The following ANK1 variants were observed in gnomAD, a reference collection of about 807,000 sequenced individuals.
ANK1 encodes ankyrin 1.
Under a neutral mutation model 210.4 loss-of-function variants are expected in ANK1, and 51 were observed. The observed-to-expected ratio is 0.24, with a 90% confidence interval of 0.19 to 0.31. The LOEUF is 0.31. ANK1 is among the 10% of genes least tolerant of loss of function. The probability of loss-of-function intolerance (pLI) is 1.00; values close to 1 mark genes in which losing one functional copy is unlikely to be tolerated. For missense variants in ANK1, 2,051 were observed against 2,504.4 expected, an observed-to-expected ratio of 0.82 and a Z score of 3.86; for synonymous variants, 967 against 1,025.9, an observed-to-expected ratio of 0.94 and a Z score of 1.10.
In ANK1 at chr8:41,684,524, C is replaced by G. The variant is rs1374662122; in HGVS notation, c.4537+20G>C. 1.9e-6 allele frequency: 3 copies of G among 1,612,974 alleles called. No individual in the cohort carries two copies. In the East Asian group the frequency reaches 6.7e-5, roughly 36 times the overall value. On this transcript the variant is annotated intron_variant, in intron 37 of 42. Transcript: ENST00000289734. The stretch of plus-strand genomic sequence containing the variant: ...GGCAGGGCTCCGGCTCAGTCCCCAT[C>G]TGGTCCAGGTGACACTCACCATTCA...
At chr8:41,771,963 T>G (rs2150734940) in intron 1 of ANK1, among the ~76,000 whole-genome samples, 1 of 152,202 alleles carries the variant, frequency 6.6e-6, no homozygotes. Flanking sequence ...AGTGGGATTC[T>G]CAGGCGACTC....
intron 1 of ANK1, among the ~76,000 whole-genome samples, chr8:41,807,013 T>G (rs545151737): frequency 6.6e-6 from 1 of 152,354 alleles, no homozygotes; most frequent in East Asian, 1.9e-4. Flanking sequence ...TGCTAATAAT[T>G]AACATTTATT....
chr8:41,694,379 T>G lies in ANK1; in HGVS notation c.3327+213A>C, dbSNP rs1820225383. 6.6e-6 allele frequency among the ~76,000 whole-genome samples: 1 copy of G among 152,224 alleles called. No homozygotes were observed. Among genetic ancestry groups the G allele is most frequent in the African/African-American group, 2.4e-5 (1 of 41,450 alleles). On this transcript the variant is annotated intron_variant, in intron 28 of 42. Coordinates refer to ENST00000289734, the MANE Select transcript of ANK1 (RefSeq NM_000037.4). This position sits in a 1 kb window ranked among gnomAD's most constrained non-coding sequence, Gnocchi z 5.7. ...TGCTGCACAGACTGGGCCGTGCAGC[T>G]TGATGGGTTACCAGGGGTTCTGCAA...
At chr8:41,846,431 G>A (rs1810062826) in intron 1 of ANK1, among the ~76,000 whole-genome samples, 1 of 152,244 alleles carries the variant, frequency 6.6e-6, no homozygotes, top group African/African-American at 2.4e-5. Context: ...CTCTGCCAAG[G>A]CCCGTGTGGG....
intron 38 of ANK1, 101 bp from the exon 39 acceptor site, chr8:41,668,665 G>C: frequency 7.6e-7 from 1 of 1,310,460 alleles, no homozygotes; most frequent in South Asian, 1.5e-5. Flanking sequence ...CCCACCCAGA[G>C]CTCTGGCTCA....
At chr8:41,840,844 G>A (rs887759000) in intron 1 of ANK1, among the ~76,000 whole-genome samples, 4 of 152,184 alleles carry the variant, frequency 2.6e-5, no homozygotes, top group Admixed American at 6.5e-5. Context: ...CGCTTGAAAC[G>A]TCGGTAATCC....
At chr8:41,703,420 G>GTATATATATATATATATA (rs1431513474) in intron 20 of ANK1, among the ~76,000 whole-genome samples, 2 of 51,122 alleles carry the variant, frequency 3.9e-5, no homozygotes, top group Non-Finnish European at 8.4e-5. Flanking sequence ...GTGTGTGTGT[G>GTATATATATATATATATA]TGTATATATA....
chr8:41,658,385 CCATT>C (rs1425938833), intron 42 of ANK1, among the ~76,000 whole-genome samples: 1 of 152,188 alleles, frequency 6.6e-6, no homozygotes, highest in South Asian at 2.1e-4. Flanking sequence ...CTCACAGTTA[CCATT>C]ATTATTTCTA....
chr8:41,763,815 C>T (rs1004262267), intron 1 of ANK1, among the ~76,000 whole-genome samples: 1 of 150,772 alleles, frequency 6.6e-6, no homozygotes, highest in South Asian at 2.1e-4. Flanking sequence ...CGGCTAAGGT[C>T]ACCTAGATAG....
upstream of ANK1, among the ~76,000 whole-genome samples, chr8:41,800,864 G>A (rs565637731): frequency 6.1e-4 from 92 of 151,898 alleles, no homozygotes; most frequent in African/African-American, 1.4e-3. Context: ...ACAGGCACAC[G>A]CCACCATGCC....
chr8:41,679,029 G>T (rs547260399), intron 37 of ANK1, among the ~76,000 whole-genome samples: 2 of 152,062 alleles, frequency 1.3e-5, no homozygotes, highest in African/African-American at 4.8e-5. Context: ...CAGGTGATCC[G>T]CCCACCTCGG....
chr8:41,737,532 G>A (rs1833730884), intron 2 of ANK1, among the ~76,000 whole-genome samples: 2 of 152,234 alleles, frequency 1.3e-5, no homozygotes, highest in Non-Finnish European at 2.9e-5. Context: ...TAAGACCCTC[G>A]CCATGCAAGG....
At position 41,784,027 on chromosome 8, in the gene ANK1, C is replaced by T. The variant is rs1402662265; in HGVS notation, c.27+13485G>A. On this transcript the variant is annotated intron_variant, in intron 1 of 42. Coordinates refer to ENST00000289734, the MANE Select transcript of ANK1 (RefSeq NM_000037.4). ...TTGCATCACTGCACTCCAGCCTAGG[C>T]AGACTTGGTGGCATCGCAAGACCCT... 4.8e-5 allele frequency among the ~76,000 whole-genome samples: 7 copies of T among 147,262 alleles called. No individual in the cohort carries two copies. The South Asian group carries it at 1.1e-3, about 23-fold the overall frequency.
chr8:41,708,180 A>T (rs565692100), intron 17 of ANK1, among the ~76,000 whole-genome samples: 3 of 152,286 alleles, frequency 2.0e-5, no homozygotes, highest in South Asian at 4.1e-4. Flanking sequence ...ATATTTCGAT[A>T]AAACTGTTAT....
At chr8:41,724,386 G>A in intron 7 of ANK1, 70 bp downstream of exon 7, 1 of 1,320,824 alleles carries the variant, frequency 7.6e-7, no homozygotes. Flanking sequence ...TGAAACCCAT[G>A]GTGCCGAGGC....
Position 41,891,510 on chromosome 8 carries a change from C to A in ANK1, c.126+4845G>T, listed in dbSNP as rs977474820. 1.3e-5 allele frequency among the ~76,000 whole-genome samples: 2 copies of A among 152,180 alleles called. 1 individual carries two copies. The highest frequency in any genetic ancestry group is 4.8e-5 in the African/African-American group (2 of 41,432). On this transcript the variant is annotated intron_variant, in intron 1 of 42. Coordinates refer to the ANK1 transcript ENST00000265709. ...CACATCACTTGCTCCTCACAGTCAC[C>A]CTTCACAGAGGTGGAGCAGCAGCCA... is the stretch of plus-strand genomic sequence containing the variant.
chr8:41,677,983 G>A (rs1814745287), intron 37 of ANK1, among the ~76,000 whole-genome samples: 1 of 152,082 alleles, frequency 6.6e-6, no homozygotes, highest in Non-Finnish European at 1.5e-5. Context: ...TTGCTTTTAA[G>A]ATTTTTCTCT....
chr8:41,675,279 T>C (rs573179237), intron 37 of ANK1, among the ~76,000 whole-genome samples: 5 of 152,250 alleles, frequency 3.3e-5, no homozygotes, highest in African/African-American at 1.2e-4. Flanking sequence ...GTATTTTTAG[T>C]AGAGATGGGG....
intron 1 of ANK1, among the ~76,000 whole-genome samples, chr8:41,843,936 G>A (rs1433324481): frequency 6.6e-6 from 1 of 152,192 alleles, no homozygotes; most frequent in Non-Finnish European, 1.5e-5. Context: ...GTGCAGTGGT[G>A]CAATCATGGC....
Sources: allele counts gnomAD v4.1 joint callset (sites outside exome capture counted in the v4.1 genomes callset), GRCh38; gene constraint gnomAD v4.1.1; non-coding constraint Gnocchi (gnomAD v3.1); transcripts MANE v1.5; gene names NCBI Gene and HGNC (gene_info 2026-07-23, HGNC 2026-07-21).